Variants in VARS1 observed in about 807,000 individuals in gnomAD.
VARS1 encodes the protein valyl-tRNA synthetase 1.
Under a neutral mutation model 161.0 loss-of-function variants are expected in VARS1, and 92 were observed. That is an observed-to-expected ratio of 0.57 (90% CI 0.48 to 0.68). VARS1 has a LOEUF of 0.68. VARS1 is among the 30% of genes least tolerant of loss of function. VARS1 has a pLI of 0.00. For missense variants in VARS1, 1,338 were observed against 1,695.9 expected (o/e 0.79, Z 3.71); for synonymous variants, 595 against 682.5 (o/e 0.87, Z 2.00).
At chr6:31,793,215 A>C in intron 2 of VARS1, 95 bp from the exon 3 acceptor site, 7 of 1,442,404 alleles carry the variant, frequency 4.9e-6, no homozygotes, top group Non-Finnish European at 6.4e-6. Context: ...CCCCACTCTC[A>C]CAAATCACCA....
Position 31,780,366 on chromosome 6 carries a change from C to A in VARS1, c.2925+75G>T. 3 of 1,565,358 alleles carry A rather than the reference C, an allele frequency of 1.9e-6. No individual in the cohort carries two copies. Among genetic ancestry groups the A allele is most frequent in the Non-Finnish European group, 2.6e-6 (3 of 1,155,118 alleles). On this transcript the variant is annotated intron_variant, in intron 25 of 29. Coordinates refer to ENST00000375663, the MANE Select transcript of VARS1 (RefSeq NM_006295.3). The surrounding 1 kb of genome is among the most constrained non-coding windows in gnomAD (Gnocchi z 5.1). Reference sequence around the variant, plus strand: ...TCTCTGTGTCTATCTGTCCCCCCAGCTACATGGAGGCTGCTCCGGACAGGG... The same window carrying A: ...TCTCTGTGTCTATCTGTCCCCCCAGATACATGGAGGCTGCTCCGGACAGGG...
Position 31,791,303 on chromosome 6 carries a change from G to A in VARS1, c.1100+307C>T, listed in dbSNP as rs1002797870. 3.3e-5 allele frequency among the ~76,000 whole-genome samples: 5 copies of A among 152,092 alleles called. No individual in the cohort carries two copies. The highest frequency in any genetic ancestry group is 1.2e-4 in the African/African-American group (5 of 41,406). On this transcript the variant is annotated intron_variant, in intron 8 of 29. Transcript: ENST00000375663. This position sits in a 1 kb window ranked among gnomAD's most constrained non-coding sequence, Gnocchi z 5.0. ...GAGACAGGAGAATCACTTGAGCCAG[G>A]AGTTGGAGACCAGACTGAGCAACAA...
rs1334055124 is a variant in VARS1 at position 31,778,504 on chromosome 6, TTTG to T, written c.3726+460_3726+462del. 3.9e-5 allele frequency among the ~76,000 whole-genome samples: 6 copies of T among 152,028 alleles called. No homozygotes were observed. Among genetic ancestry groups the T allele is most frequent in the Non-Finnish European group, 7.4e-5 (5 of 67,988 alleles). ...TCCAGCTTCCAGACCAGGATTGGTTTTTGTTTTGTTTTGTTTTTTTTCCAGACA... is the reference window on the plus strand; with the variant it reads ...TCCAGCTTCCAGACCAGGATTGGTTTTTTTGTTTTGTTTTTTTTCCAGACA... On this transcript the variant is annotated intron_variant, in intron 29 of 29. Transcript: ENST00000375663. This position sits in a 1 kb window ranked among gnomAD's most constrained non-coding sequence, Gnocchi z 5.1.
intron 2 of VARS1, among the ~76,000 whole-genome samples, chr6:31,793,451 A>G (rs1343933737): frequency 6.6e-6 from 1 of 151,770 alleles, no homozygotes; most frequent in African/African-American, 2.4e-5. Flanking sequence ...GCTTGCAGTG[A>G]GCCGAGATCA....
At chr6:31,793,865 G>A (rs1056146368) in intron 2 of VARS1, among the ~76,000 whole-genome samples, 6 of 152,062 alleles carry the variant, frequency 3.9e-5, no homozygotes, top group Non-Finnish European at 7.4e-5. Flanking sequence ...CACTTTGGGA[G>A]GCCGAGGCGA....
Position 31,781,948 on chromosome 6 carries a change from G to C in VARS1, c.2246C>G (p.Pro749Arg). Residue 749 changes from proline (P) to arginine (R), a missense_variant, in exon 19 of 30, where the codon CCT (proline) becomes CGT (arginine). Physicochemically the swap from Pro to Arg is moderately radical, Grantham distance 103. This residue lies in a region of VARS1 where 902 missense variants were observed against 1,090.3 expected (regional missense o/e 0.83). Coordinates refer to ENST00000375663, the MANE Select transcript of VARS1 (RefSeq NM_006295.3). The surrounding 1 kb of genome is among the most constrained non-coding windows in gnomAD (Gnocchi z 6.8). ...TCCACTCACCCAGTACCGCCCATCA[G>C]GGTCCTGCCACAGGTGCAGTGATTA... ...SDPAVPPGEDPDGRYWVSGRN... is the reference protein window; with the variant it reads ...SDPAVPPGEDRDGRYWVSGRN... The C allele has an allele frequency of 6.2e-7, 1 of 1,613,058 alleles. No individual in the cohort carries two copies. The highest frequency in any genetic ancestry group is 2.2e-5 in the East Asian group (1 of 44,876).
Position 31,782,078 on chromosome 6 carries a change from T to A in VARS1, c.2241+9A>T. 6.2e-7 allele frequency: 1 copy of A among 1,612,936 alleles called. No homozygotes were observed. The highest frequency in any genetic ancestry group is 8.5e-7 in the Non-Finnish European group (1 of 1,179,442). On this transcript the variant is annotated intron_variant, in intron 18 of 29. Transcript: ENST00000375663. The surrounding 1 kb of genome is among the most constrained non-coding windows in gnomAD (Gnocchi z 8.3). ...GTGTCCCAGCAGCTAGCTCTGGCCCTCTGCTCACCTCCCCAGGGGGCACCG... is the reference window on the plus strand; with the variant it reads ...GTGTCCCAGCAGCTAGCTCTGGCCCACTGCTCACCTCCCCAGGGGGCACCG...
rs61730575 is a variant in VARS1 at position 31,792,512 on chromosome 6, G to C, written c.666C>G (p.Pro222=). Residue 222 remains proline, a synonymous_variant, in exon 5 of 30, where the codon CCC becomes CCG. Transcript: ENST00000375663. Reference sequence around the variant, plus strand: ...CTGTCTTTGGGAGGGCAGGAGCCTCGGGGCCTAGAGAGAGGTGCAGAAATT... The same window carrying C: ...CTGTCTTTGGGAGGGCAGGAGCCTCCGGGCCTAGAGAGAGGTGCAGAAATT... ...GARPLSHQPG[P]EAPALPKTAA... is the part of the protein sequence containing the mutation. 3.1e-6 allele frequency: 5 copies of C among 1,613,620 alleles called. No individual in the cohort carries two copies. The South Asian group carries it at 5.5e-5, about 18-fold the overall frequency.
Position 31,791,623 on chromosome 6 carries a change from A to G in VARS1, c.1087T>C (p.Ser363Pro). The G allele has an allele frequency of 1.9e-6, 3 of 1,611,706 alleles. No individual in the cohort carries two copies. The highest frequency in any genetic ancestry group is 2.5e-6 in the Non-Finnish European group (3 of 1,179,226). ...GHALTNAIQD[S>P]LTRWHRMRGE... ...ATAGAAGCTCACCATCGAGTCAGGG[A>G]GTCCTGGATGGCGTTGGTGAGTGCA... The change falls in exon 8 of 30, where the codon TCC (serine) becomes CCC (proline). Residue 363 changes from serine (S) to proline (P), a missense_variant. By Grantham distance (74) the Ser-to-Pro change is moderately conservative. Around this residue, in one of 3 missense-constraint regions of VARS1, gnomAD observed 902 missense variants for 1,090.3 expected, o/e 0.83. Coordinates refer to ENST00000375663, the MANE Select transcript of VARS1 (RefSeq NM_006295.3). This position sits in a 1 kb window ranked among gnomAD's most constrained non-coding sequence, Gnocchi z 5.0.
rs1315451158 is a variant in VARS1 at position 31,792,404 on chromosome 6, T to C, written c.774A>G (p.Pro258=). The C allele has an allele frequency of 6.2e-7, 1 of 1,613,756 alleles. No homozygotes were observed. Among genetic ancestry groups the C allele is most frequent in the Non-Finnish European group, 8.5e-7 (1 of 1,179,976 alleles). The change falls in exon 5 of 30, where the codon CCA becomes CCG. Residue 258 remains proline, a synonymous_variant. Transcript: ENST00000375663. ...ACCCTCGCCTCACCTCCCCTGGAGG[T>C]GGCTGCTGCTGTTGGATCTTCTGCT... ...QQKQKIQQQQ[P]PPGEKKPKPE...
rs753608307 is a variant in VARS1 at position 31,777,694 on chromosome 6, C to A, written c.3727-32G>T. On this transcript the variant is annotated intron_variant, in intron 29 of 29. Coordinates refer to ENST00000375663, the MANE Select transcript of VARS1 (RefSeq NM_006295.3). The surrounding 1 kb of genome is among the most constrained non-coding windows in gnomAD (Gnocchi z 5.8). ...TGGAACCAGGGGGTGGGTGAGGACC[C>A]AGGTCCAAGTGAAGAGACCCCCAAA... 1 of 1,605,752 alleles carries A rather than the reference C, an allele frequency of 6.2e-7. No individual in the cohort carries two copies. The highest frequency in any genetic ancestry group is 2.2e-5 in the East Asian group (1 of 44,520).
intron 8 of VARS1, among the ~76,000 whole-genome samples, chr6:31,790,194 A>G (rs1191287978): frequency 6.6e-6 from 1 of 152,108 alleles, no homozygotes; most frequent in African/African-American, 2.4e-5. Context: ...CCTGGGCCGC[A>G]TGTGGCCCAC....
In VARS1 at chr6:31,781,245, A is replaced by G. The variant is rs1813125271; in HGVS notation, c.2545-122T>C. The G allele has an allele frequency of 2.4e-6, 3 of 1,270,574 alleles. No individual in the cohort carries two copies. The highest frequency in any genetic ancestry group is 2.9e-5 in the African/African-American group (2 of 67,836). The allele number at this position is 1,270,574 out of a possible 1,614,324, so 78.7% of individuals were successfully genotyped here. On this transcript the variant is annotated intron_variant, in intron 21 of 29. Transcript: ENST00000375663. The surrounding 1 kb of genome is among the most constrained non-coding windows in gnomAD (Gnocchi z 6.8). ...CCTCAGGTCCCACTGAGTGTCCCCAAGAGCTCGTTGAGCGCCTTTATGTGA... is the reference window on the plus strand; with the variant it reads ...CCTCAGGTCCCACTGAGTGTCCCCAGGAGCTCGTTGAGCGCCTTTATGTGA...
rs1344450198 is a variant in VARS1, at chr6:31,784,305, C to T, written c.1580G>A (p.Ser527Asn). The T allele has an allele frequency of 6.2e-7, 1 of 1,614,080 alleles. No homozygotes were observed. Among genetic ancestry groups the T allele is most frequent in the Non-Finnish European group, 8.5e-7 (1 of 1,180,048 alleles). ...TGTTGCCACCACCACCTCCTCGTCG[C>T]TATCTGGGGTGACAGAAGGCCTTGT... ...SFAYKVQGSD[S>N]DEEVVVATTR... is the part of the protein sequence containing the mutation. The change falls in exon 13 of 30, where the codon AGC becomes AAC. Residue 527 changes from serine to asparagine, a missense_variant. Coordinates refer to ENST00000375663, the MANE Select transcript of VARS1 (RefSeq NM_006295.3). This position sits in a 1 kb window ranked among gnomAD's most constrained non-coding sequence, Gnocchi z 6.1.
At chr6:31,790,550 C>T (rs1028682749) in intron 8 of VARS1, among the ~76,000 whole-genome samples, 29 of 138,288 alleles carry the variant, frequency 2.1e-4, no homozygotes, top group African/African-American at 7.1e-4. Context: ...TGCGGTGAGC[C>T]GAGATCATGC....
rs1373335639 is a variant in VARS1 at position 31,778,271 on chromosome 6, T to C, written c.3727-609A>G. 6.4e-6 allele frequency: 1 copy of C among 155,918 alleles called. No individual in the cohort carries two copies. The highest frequency in any genetic ancestry group is 1.4e-5 in the Non-Finnish European group (1 of 70,446). The allele number at this position is 155,918 out of a possible 1,614,324, so 9.7% of individuals were successfully genotyped here. On this transcript the variant is annotated intron_variant, in intron 29 of 29. Transcript: ENST00000375663. This position sits in a 1 kb window ranked among gnomAD's most constrained non-coding sequence, Gnocchi z 5.1. ...CCCAGGCATGCAGGTTTCCACATTT[T>C]GGGCAGCTGGGTGGGGTACGAAGGG...
rs759201866 is a variant in VARS1, at chr6:31,779,081, C to T, written c.3612G>A (p.Leu1204=). 5 of 1,611,976 alleles carry T rather than the reference C, an allele frequency of 3.1e-6. No individual in the cohort carries two copies. Among genetic ancestry groups the T allele is most frequent in the African/African-American group, 1.3e-5 (1 of 75,046 alleles). The change falls in exon 29 of 30, where the codon CTG becomes CTA. Residue 1204 remains leucine, a synonymous_variant. Transcript: ENST00000375663. This position sits in a 1 kb window ranked among gnomAD's most constrained non-coding sequence, Gnocchi z 9.1. ...LVDPARELGK[L]QAKRVEAQRQ... is the part of the protein sequence containing the mutation. ...GCTGGGCCTCAACTCGCTTGGCTTGCAGCTTGCCCAGCTCCCGTGCAGGGT... is the reference window on the plus strand; with the variant it reads ...GCTGGGCCTCAACTCGCTTGGCTTGTAGCTTGCCCAGCTCCCGTGCAGGGT...
At chr6:31,793,169 C>T in intron 2 of VARS1, 49 bp from the exon 3 acceptor site, 1 of 1,547,498 alleles carries the variant, frequency 6.5e-7, no homozygotes, top group East Asian at 2.3e-5. Context: ...CCACCTCCAT[C>T]TCCCACCACA....
In VARS1 at chr6:31,783,072, C is replaced by T. The variant is rs993994015; in HGVS notation, c.1762+24G>A. On this transcript the variant is annotated intron_variant, in intron 14 of 29. Coordinates refer to ENST00000375663, the MANE Select transcript of VARS1 (RefSeq NM_006295.3). The stretch of plus-strand genomic sequence containing the variant: ...GTGCAGCTCCAGTCTTTTCCTCTCC[C>T]CACAGGACCAGCCCCTTGCCCACCT... 8 of 1,610,500 alleles carry T rather than the reference C, an allele frequency of 5.0e-6. No individual in the cohort carries two copies. The African/African-American group carries it at 9.3e-5, about 19-fold the overall frequency.
Sources: allele counts gnomAD v4.1 joint callset (sites outside exome capture counted in the v4.1 genomes callset), GRCh38; gene constraint gnomAD v4.1.1; regional missense constraint gnomAD v4.1.1; non-coding constraint Gnocchi (gnomAD v3.1); transcripts MANE v1.5; gene names NCBI Gene and HGNC (gene_info 2026-07-23, HGNC 2026-07-21).